Variants in USH2A observed in about 807,000 individuals in gnomAD.
The protein encoded by USH2A is Usher syndrome 2A (autosomal recessive, mild).
USH2A carries 443 observed loss-of-function variants against 538.9 expected under a neutral mutation model. That is an observed-to-expected ratio of 0.82 (90% CI 0.76 to 0.89). USH2A has a LOEUF of 0.89. USH2A is among the 40% of genes least tolerant of loss of function. USH2A has a pLI of 0.00. For synonymous variants in USH2A, 2,413 were observed against 2,273.5 expected (o/e 1.06, Z -1.75); for missense variants, 6,633 against 6,324.8 (o/e 1.05, Z -1.65).
At chr1:215,937,505 G>C (rs752122236) in intron 37 of USH2A, among the ~76,000 whole-genome samples, 96 of 152,016 alleles carry the variant, frequency 6.3e-4, no homozygotes, top group Non-Finnish European at 1.1e-3. Flanking sequence ...CATAATTCTT[G>C]CACTCAAGAA....
chr1:216,090,799 G>A (rs2032282390), intron 22 of USH2A, among the ~76,000 whole-genome samples: 1 of 152,060 alleles, frequency 6.6e-6, no homozygotes, highest in African/African-American at 2.4e-5. Context: ...GATGCTAATT[G>A]GGCGTGACAT....
At chr1:216,278,950 T>C (rs1467212927) in intron 11 of USH2A, among the ~76,000 whole-genome samples, 1 of 152,164 alleles carries the variant, frequency 6.6e-6, no homozygotes, top group Non-Finnish European at 1.5e-5. Flanking sequence ...GAACAATCAA[T>C]TTTCATGAGT....
intron 14 of USH2A, among the ~76,000 whole-genome samples, chr1:216,228,542 G>A (rs897877203): frequency 3.3e-5 from 5 of 152,030 alleles, no homozygotes; most frequent in East Asian, 1.9e-4. Flanking sequence ...TAAGTCTCAC[G>A]ATATCTGATG....
intron 21 of USH2A, among the ~76,000 whole-genome samples, chr1:216,132,727 A>G (rs1314258262): frequency 6.6e-6 from 1 of 152,112 alleles, no homozygotes; most frequent in Non-Finnish European, 1.5e-5. Context: ...ACCCTGCACT[A>G]TATGAAGTTG....
intron 2 of USH2A, among the ~76,000 whole-genome samples, chr1:216,419,287 T>C (rs572749717): frequency 1.3e-5 from 2 of 152,278 alleles, no homozygotes; most frequent in East Asian, 3.9e-4. Context: ...ACTGAGGTAC[T>C]GAGATCATGT....
chr1:215,684,632 T>G (rs1414592657), intron 61 of USH2A, among the ~76,000 whole-genome samples: 1 of 152,220 alleles, frequency 6.6e-6, no homozygotes, highest in Non-Finnish European at 1.5e-5. Context: ...GTATAGGCAC[T>G]CTTGTGTTCA....
At chr1:216,120,201 A>G (rs637374) in intron 21 of USH2A, among the ~76,000 whole-genome samples, 124,203 of 138,514 alleles carry the variant, frequency 0.9, 55,958 homozygotes, top group East Asian at 0.98. Flanking sequence ...CGCTATTAAA[A>G]CAGGTCATAC....
chr1:216,384,271 C>A (rs1212055158), intron 3 of USH2A, among the ~76,000 whole-genome samples: 2 of 151,758 alleles, frequency 1.3e-5, no homozygotes, highest in Non-Finnish European at 2.9e-5. Context: ...AAAATGCAGA[C>A]CCCTTTATTT....
chr1:216,224,927 A>G (rs2035531321), intron 14 of USH2A, among the ~76,000 whole-genome samples: 1 of 152,038 alleles, frequency 6.6e-6, no homozygotes, highest in Non-Finnish European at 1.5e-5. Context: ...ATTTGTTATA[A>G]TTGGAATGTA....
chr1:215,699,740 T>C (rs1658945180), intron 61 of USH2A, among the ~76,000 whole-genome samples: 1 of 152,236 alleles, frequency 6.6e-6, no homozygotes, highest in Non-Finnish European at 1.5e-5. Context: ...TGTACAATCA[T>C]GTCATCTGCA....
intron 6 of USH2A, among the ~76,000 whole-genome samples, chr1:216,325,053 A>G (rs1222804366): frequency 6.6e-6 from 1 of 152,174 alleles, no homozygotes; most frequent in East Asian, 1.9e-4. Flanking sequence ...CCATGTGAAA[A>G]TGGAGGCAGA....
At chr1:216,007,657 C>A (rs1161618009) in intron 32 of USH2A, among the ~76,000 whole-genome samples, 1 of 152,086 alleles carries the variant, frequency 6.6e-6, no homozygotes, top group East Asian at 1.9e-4. Flanking sequence ...TTTCAGTTGC[C>A]CAAGTGTGAT....
intron 64 of USH2A, among the ~76,000 whole-genome samples, chr1:215,653,301 T>A (rs568288064): frequency 6.6e-6 from 1 of 152,334 alleles, no homozygotes; most frequent in Non-Finnish European, 1.5e-5. Context: ...GGAAATATTC[T>A]CTTTGAAAAC....
At chr1:216,042,957 A>T (rs759059448) in intron 32 of USH2A, among the ~76,000 whole-genome samples, 19 of 152,102 alleles carry the variant, frequency 1.2e-4, no homozygotes, top group Non-Finnish European at 2.4e-4. Flanking sequence ...AAAGAGACTC[A>T]GGACAAATCA....
chr1:216,185,915 T>C (rs2034589782), intron 20 of USH2A, among the ~76,000 whole-genome samples: 1 of 151,852 alleles, frequency 6.6e-6, no homozygotes, highest in South Asian at 2.1e-4. Context: ...TAAAAGCAAA[T>C]AAGTTTATTT....
chr1:215,900,234 T>C lies in USH2A; in HGVS notation c.7452-17A>G. 6.2e-7 allele frequency: 1 copy of C among 1,612,970 alleles called. No homozygotes were observed. Among genetic ancestry groups the C allele is most frequent in the East Asian group, 2.2e-5 (1 of 44,794 alleles). ...GAAAATAACCTGTATGGGAAATAAA[T>C]GTCAATTAGGAAGTTTTCGACATTC... is the stretch of plus-strand genomic sequence containing the variant. On this transcript the variant is annotated splice_polypyrimidine_tract_variant and intron_variant, in intron 39 of 71. Coordinates refer to ENST00000307340, the MANE Select transcript of USH2A (RefSeq NM_206933.4).
chr1:215,989,875 G>A (rs1667963603), intron 35 of USH2A, among the ~76,000 whole-genome samples: 2 of 152,170 alleles, frequency 1.3e-5, no homozygotes, highest in South Asian at 2.1e-4. Context: ...GTTGGAAAAT[G>A]TAGTAAATAC....
intron 20 of USH2A, among the ~76,000 whole-genome samples, chr1:216,184,636 G>T (rs2034561433): frequency 6.6e-6 from 1 of 151,610 alleles, no homozygotes; most frequent in Non-Finnish European, 1.5e-5. Context: ...CTGGGTGATT[G>T]GTTTATGCAT....
intron 20 of USH2A, among the ~76,000 whole-genome samples, chr1:216,176,190 G>C (rs143762206): frequency 3.9e-5 from 6 of 151,970 alleles, no homozygotes; most frequent in Non-Finnish European, 8.8e-5. Context: ...TGTGGAGCAC[G>C]GCTACACCAT....
Sources: gnomAD v4.1 joint callset for allele counts (sites outside exome capture counted in the v4.1 genomes callset) on GRCh38, gnomAD v4.1.1 for gene constraint, MANE v1.5 for transcripts, NCBI Gene and HGNC (gene_info 2026-07-23, HGNC 2026-07-21) for gene names.